Variants in CLYBL observed in about 807,000 individuals in gnomAD.
CLYBL encodes citramalyl-CoA lyase, also known as citramalyl-CoA lyase, mitochondrial.
In CLYBL, 31 loss-of-function variants were observed where a neutral mutation model predicts 38.9. That is an observed-to-expected ratio of 0.80 (90% confidence interval 0.60 to 1.08). The LOEUF (loss-of-function observed/expected upper bound fraction) is 1.08. CLYBL is among the 50% of genes least tolerant of loss of function. CLYBL has a pLI of 0.00. For missense variants in CLYBL, 434 were observed against 411.6 expected, an observed-to-expected ratio of 1.05 and a Z score of -0.47; for synonymous variants, 171 against 158.6, an observed-to-expected ratio of 1.08 and a Z score of -0.59.
chr13:99,754,754 T>TTC (rs910752973), intron 1 of CLYBL, among the ~76,000 whole-genome samples: 1 of 148,644 alleles, frequency 6.7e-6, no homozygotes, highest in Non-Finnish European at 1.5e-5. Flanking sequence ...CCAGCTTTTT[T>TTC]TTTTTTTTTT....
rs1459381314 is a variant in CLYBL, at chr13:99,817,574, G to A, written c.250-41287G>A. The stretch of plus-strand genomic sequence containing the variant: ...GGAGGCTGAGGCAGGAGAATGGCGT[G>A]AACCCGGGAGGCAGAGCTTGCAGTG... On this transcript the variant is annotated intron_variant, in intron 2 of 8. Transcript: ENST00000339105. Among the ~76,000 whole-genome samples, 3 of 148,110 alleles carry A rather than the reference G, an allele frequency of 2.0e-5. No individual in the cohort carries two copies. In the East Asian group the frequency reaches 6.1e-4, roughly 30 times the overall value.
Position 99,863,052 on chromosome 13 carries a change from T to A in CLYBL, c.500T>A (p.Ile167Asn), listed in dbSNP as rs758972073. Residue 167 changes from isoleucine to asparagine, a missense_variant, in exon 4 of 9, where the codon ATC becomes AAC. Ile to Asn is a moderately radical substitution (Grantham distance 149). Coordinates refer to ENST00000339105, the MANE Select transcript of CLYBL (RefSeq NM_206808.5). ...AAACTTGAACAACCAATGAATTTAA[T>A]CCCTTTTGTGGAAACTGCAATGGGT... ...GRKLEQPMNL[I>N]PFVETAMGLL... The A allele has an allele frequency of 6.8e-6, 11 of 1,610,376 alleles. No homozygotes were observed. In the South Asian group the frequency reaches 1.1e-4, roughly 16 times the overall value.
chr13:99,859,948 C>T (rs1379435512), intron 3 of CLYBL, among the ~76,000 whole-genome samples: 1 of 152,128 alleles, frequency 6.6e-6, no homozygotes, highest in South Asian at 2.1e-4. Flanking sequence ...ATGGAAGCCA[C>T]ATCTAGTATT....
In CLYBL at chr13:99,871,066, A is replaced by G; in HGVS notation, c.927+4A>G. The G allele has an allele frequency of 6.2e-7, 1 of 1,613,908 alleles. No individual in the cohort carries two copies. Among genetic ancestry groups the G allele is most frequent in the Non-Finnish European group, 8.5e-7 (1 of 1,179,812 alleles). ...AGAACATCAACAATTAGGAAAGGTA[A>G]ATGTTTTGTTAATGCCTTGGGTGAG... On this transcript the variant is annotated splice_donor_region_variant and intron_variant, in intron 7 of 8. Transcript: ENST00000339105.
At position 99,871,063 on chromosome 13, in the gene CLYBL, G is replaced by A; in HGVS notation, c.927+1G>A. The A allele has an allele frequency of 6.2e-7, 1 of 1,613,904 alleles. No homozygotes were observed. The highest frequency in any genetic ancestry group is 8.5e-7 in the Non-Finnish European group (1 of 1,179,812). ...TAAAGAACATCAACAATTAGGAAAG[G>A]TAAATGTTTTGTTAATGCCTTGGGT... On this transcript the variant is annotated splice_donor_variant, in intron 7 of 8. Coordinates refer to ENST00000339105, the MANE Select transcript of CLYBL (RefSeq NM_206808.5). LOFTEE classifies it high-confidence loss of function.
At chr13:99,887,562 C>T (rs1387151499) in intron 7 of CLYBL, among the ~76,000 whole-genome samples, 1 of 152,066 alleles carries the variant, frequency 6.6e-6, no homozygotes, top group Non-Finnish European at 1.5e-5. Flanking sequence ...AGACTGAGAC[C>T]AGCTTGGGCA....
chr13:99,612,386 C>CTTTTTTTTTTTTTT (rs56097059), intron 1 of CLYBL, among the ~76,000 whole-genome samples: 1 of 112,368 alleles, frequency 8.9e-6, no homozygotes, highest in Non-Finnish European at 1.7e-5. Flanking sequence ...GACCTTTCTA[C>CTTTTTTTTTTTTTT]TTTTTTTTTT....
chr13:99,869,893 T>G lies in CLYBL; in HGVS notation c.803-1045T>G, dbSNP rs2051840653. On this transcript the variant is annotated intron_variant, in intron 6 of 8. Transcript: ENST00000339105. This position sits in a 1 kb window ranked among gnomAD's most constrained non-coding sequence, Gnocchi z 4.3. ...TAAAGAGCCAATTATGTTCATAACT[T>G]TATCACGTAACAATATAATCTCATC... is the stretch of plus-strand genomic sequence containing the variant. 6.6e-6 allele frequency among the ~76,000 whole-genome samples: 1 copy of G among 152,120 alleles called. No homozygotes were observed. Among genetic ancestry groups the G allele is most frequent in the Admixed American group, 6.5e-5 (1 of 15,270 alleles).
chr13:99,847,548 G>A (rs2051234660), intron 2 of CLYBL, among the ~76,000 whole-genome samples: 1 of 152,166 alleles, frequency 6.6e-6, no homozygotes, highest in African/African-American at 2.4e-5. Flanking sequence ...TCCTCACTGA[G>A]CCCGGGCTAA....
chr13:99,733,273 TA>T (rs5806135), intron 1 of CLYBL, among the ~76,000 whole-genome samples: 11,449 of 145,756 alleles, frequency 0.079, 474 homozygotes, highest in East Asian at 0.12. Context: ...GAACAGAACT[TA>T]AAAAAAAAAA....
intron 1 of CLYBL, among the ~76,000 whole-genome samples, chr13:99,755,192 C>T (rs370185180): frequency 2.6e-4 from 40 of 152,326 alleles, no homozygotes; most frequent in African/African-American, 8.2e-4. Context: ...CCACCGCGCC[C>T]GGCCCTAGAT....
At chr13:99,669,006 C>CTTT (rs373579427) in intron 1 of CLYBL, among the ~76,000 whole-genome samples, 1 of 140,130 alleles carries the variant, frequency 7.1e-6, no homozygotes. Flanking sequence ...AGGCCCTCAG[C>CTTT]TTTTTTTTTT....
intron 2 of CLYBL, among the ~76,000 whole-genome samples, chr13:99,780,123 T>C (rs991226487): frequency 5.3e-5 from 8 of 152,200 alleles, no homozygotes; most frequent in African/African-American, 1.7e-4. Context: ...CCAATGTCTT[T>C]AGGTATATAC....
At chr13:99,851,650 C>T (rs1450982839) in intron 2 of CLYBL, among the ~76,000 whole-genome samples, 8 of 152,076 alleles carry the variant, frequency 5.3e-5, no homozygotes, top group Non-Finnish European at 8.8e-5. Flanking sequence ...GTGATACCCA[C>T]GAGGATGACT....
At chr13:99,805,709 G>A (rs1004242949) in intron 2 of CLYBL, among the ~76,000 whole-genome samples, 1 of 152,100 alleles carries the variant, frequency 6.6e-6, no homozygotes, top group African/African-American at 2.4e-5. Context: ...TTATGGACAA[G>A]TCTTGTCAGG....
chr13:99,726,610 A>AAAGGG, intron 1 of CLYBL: 1 of 152,170 alleles, frequency 6.6e-6, no homozygotes, highest in Non-Finnish European at 1.5e-5. Flanking sequence ...CCTGCCCTGA[A>AAAGGG]AAGGGAAGAG....
At chr13:99,635,989 T>G (rs2047012759) in intron 1 of CLYBL, among the ~76,000 whole-genome samples, 1 of 152,236 alleles carries the variant, frequency 6.6e-6, no homozygotes, top group African/African-American at 2.4e-5. Context: ...TTCTCTCCCA[T>G]TAGACTATAC....
At chr13:99,628,294 G>A (rs1480940078) in intron 1 of CLYBL, among the ~76,000 whole-genome samples, 1 of 152,184 alleles carries the variant, frequency 6.6e-6, no homozygotes, top group Non-Finnish European at 1.5e-5. Flanking sequence ...TGTGAATTTA[G>A]GAAGTGAATT....
intron 6 of CLYBL, 93 bp from the exon 7 acceptor site, chr13:99,870,845 T>C: frequency 7.6e-7 from 1 of 1,308,648 alleles, no homozygotes; most frequent in South Asian, 1.4e-5. Context: ...ACATACAGTC[T>C]ATGAGGCCTT....
Sources: allele counts gnomAD v4.1 joint callset (sites outside exome capture counted in the v4.1 genomes callset), GRCh38; gene constraint gnomAD v4.1.1; non-coding constraint Gnocchi (gnomAD v3.1); transcripts MANE v1.5; gene names NCBI Gene and HGNC (gene_info 2026-07-23, HGNC 2026-07-21).